Variants in ANKRD36 observed in about 807,000 individuals in gnomAD.
ANKRD36 encodes ankyrin repeat domain 36.
ANKRD36 carries 179 observed loss-of-function variants against 278.1 expected under a neutral mutation model. That is an observed-to-expected ratio of 0.64 (90% CI 0.57 to 0.73). The LOEUF is 0.73. ANKRD36 is among the 30% of genes least tolerant of loss of function. The pLI is 0.00. For missense variants in ANKRD36, 1,159 were observed against 1,956.7 expected, an observed-to-expected ratio of 0.59 and a Z score of 7.69; for synonymous variants, 320 against 641.1, an observed-to-expected ratio of 0.50 and a Z score of 7.57.
At chr2:97,243,230 A>G (rs2074846681) in intron 69 of ANKRD36, among the ~76,000 whole-genome samples, 3 of 146,852 alleles carry the variant, frequency 2.0e-5, no homozygotes, top group Non-Finnish European at 3.1e-5. Context: ...ACAGCAATCA[A>G]ATACATGTAA....
At position 97,113,692 on chromosome 2, in the gene ANKRD36, AAGGCGAGCTGAAATACGGCTGC is replaced by A. The variant is rs747836220; in HGVS notation, c.-43_-22del. Reference sequence around the variant, plus strand: ...TGCTCTTCGGAGGCGGCGATCCCCGAAGGCGAGCTGAAATACGGCTGCAGGCTACAATTTGCAGCCGACGATT... The same window carrying A: ...TGCTCTTCGGAGGCGGCGATCCCCGAAGGCTACAATTTGCAGCCGACGATT... On this transcript the variant is annotated 5_prime_UTR_variant, in exon 1 of 76. Coordinates refer to ENST00000420699, the MANE Select transcript of ANKRD36 (RefSeq NM_001354587.1). 6.2e-7 allele frequency: 1 copy of A among 1,610,328 alleles called. No homozygotes were observed. Among genetic ancestry groups the A allele is most frequent in the Admixed American group, 1.7e-5 (1 of 59,516 alleles).
At position 97,204,177 on chromosome 2, in the gene ANKRD36, C is replaced by G. The variant is rs776089379; in HGVS notation, c.2989-14C>G. ...ACTTTATTAATTTATTATTTCATTT[C>G]AAATTCCATTCAGGCTACAAGTGAT... On this transcript the variant is annotated splice_polypyrimidine_tract_variant and intron_variant, in intron 49 of 75. Coordinates refer to ENST00000420699, the MANE Select transcript of ANKRD36 (RefSeq NM_001354587.1). 2.0e-4 allele frequency: 312 copies of G among 1,580,250 alleles called. No homozygotes were observed. The highest frequency in any genetic ancestry group is 1.8e-4 in the Admixed American group (10 of 54,630).
intron 40 of ANKRD36, among the ~76,000 whole-genome samples, chr2:97,196,348 T>C (rs1268906796): frequency 3.3e-5 from 5 of 151,982 alleles, no homozygotes; most frequent in Non-Finnish European, 5.9e-5. Context: ...ACGGTTTTAT[T>C]TTAGTTTTCG....
chr2:97,180,565 G>A (rs2055881656), intron 24 of ANKRD36, among the ~76,000 whole-genome samples: 2 of 151,588 alleles, frequency 1.3e-5, no homozygotes, highest in Non-Finnish European at 2.9e-5. Context: ...TGCTAGAATC[G>A]GGATAAACCA....
At chr2:97,170,254 A>G (rs1296578909) in intron 22 of ANKRD36, among the ~76,000 whole-genome samples, 1 of 151,716 alleles carries the variant, frequency 6.6e-6, no homozygotes, top group Non-Finnish European at 1.5e-5. Context: ...CCCCTTCCTT[A>G]CACCTTATAC....
At chr2:97,206,312 C>G (rs2062838252) in intron 52 of ANKRD36, among the ~76,000 whole-genome samples, 177 bp downstream of exon 52, 1 of 151,382 alleles carries the variant, frequency 6.6e-6, no homozygotes, top group Non-Finnish European at 1.5e-5. Flanking sequence ...GGAACATGAT[C>G]TTCGCTGTAA....
At chr2:97,116,747 TTA>T (rs1180460668) in intron 1 of ANKRD36, among the ~76,000 whole-genome samples, 2 of 152,114 alleles carry the variant, frequency 1.3e-5, no homozygotes, top group Non-Finnish European at 2.9e-5. Flanking sequence ...ATTAATTATT[TTA>T]GTTTATCAGT....
rs1276951957 is a variant in ANKRD36, at chr2:97,217,222, T to TTA, written c.3702+21_3702+22dup. 1 of 1,550,450 alleles carries TTA rather than the reference T, an allele frequency of 6.4e-7. No individual in the cohort carries two copies. The highest frequency in any genetic ancestry group is 8.7e-7 in the Non-Finnish European group (1 of 1,148,660). ...GCCCAGAAGGTAGTTACTCTTTCAT[T>TTA]TATATTTTGAATTATTTATTGCATA... On this transcript the variant is annotated intron_variant, in intron 63 of 75. Transcript: ENST00000420699.
chr2:97,179,935 T>A lies in ANKRD36; in HGVS notation c.1735+2T>A. 2 of 1,604,858 alleles carry A rather than the reference T, an allele frequency of 1.2e-6. No homozygotes were observed. ...AGGAGGGACCAATATCTGGGACAGGTAATTTTGCAAAACACATCTAATGTC... is the reference window on the plus strand; with the variant it reads ...AGGAGGGACCAATATCTGGGACAGGAAATTTTGCAAAACACATCTAATGTC... On this transcript the variant is annotated splice_donor_variant, in intron 24 of 75. Transcript: ENST00000420699. LOFTEE classifies it high-confidence loss of function.
At chr2:97,138,367 A>C (rs1196934367) in intron 6 of ANKRD36, among the ~76,000 whole-genome samples, 1 of 152,116 alleles carries the variant, frequency 6.6e-6, no homozygotes. Context: ...ATAGCAAGGA[A>C]TACAACTCAC....
chr2:97,219,308 A>C lies in ANKRD36; in HGVS notation c.3877+62A>C, dbSNP rs1393413185. 7.9e-6 allele frequency: 11 copies of C among 1,388,998 alleles called. No homozygotes were observed. The African/African-American group carries it at 1.2e-4, about 15-fold the overall frequency. 86.0% of individuals were successfully genotyped at this position (1,388,998 alleles called of 1,614,324 possible). ...GTACATTAATCTGTTTGTAATGCTC[A>C]TAGTCTTTCTATTCTCAATTATTTC... On this transcript the variant is annotated intron_variant, in intron 66 of 75. Transcript: ENST00000420699.
At position 97,113,676 on chromosome 2, in the gene ANKRD36, G is replaced by A; in HGVS notation, c.-64G>A. On this transcript the variant is annotated 5_prime_UTR_variant, in exon 1 of 76. Transcript: ENST00000420699. ...CTGCTTTGCTCGTTGTTGCTCTTCG[G>A]AGGCGGCGATCCCCGAAGGCGAGCT... The A allele has an allele frequency of 1.2e-5, 20 of 1,604,788 alleles. No homozygotes were observed. The highest frequency in any genetic ancestry group is 8.8e-5 in the South Asian group (8 of 90,478).
At position 97,206,063 on chromosome 2, in the gene ANKRD36, G is replaced by A. The variant is rs1471149594; in HGVS notation, c.3091G>A (p.Ala1031Thr). ...VSSQKPPTLK[A>T]TSDEEDSVLS... is the part of the protein sequence containing the mutation. ...TTATTTTGTTTCAAATTCCATTCAG[G>A]CTACAAGTGATGAGGAAGATTCTGT... Residue 1031 changes from alanine (A) to threonine (T), a missense_variant and splice_region_variant, in exon 52 of 76, where the codon GCT (alanine) becomes ACT (threonine). Ala to Thr is a moderately conservative substitution (Grantham distance 58). Transcript: ENST00000420699. 6.4e-7 allele frequency: 1 copy of A among 1,550,700 alleles called. No homozygotes were observed.
rs2048617012 is a variant in ANKRD36 at position 97,160,566 on chromosome 2, T to C, written c.1390-1533T>C. ...GTCCTGACTGACAGGCATAGTGTATTTGAAGACATGTAAATCTTCAGCTTG... is the reference window on the plus strand; with the variant it reads ...GTCCTGACTGACAGGCATAGTGTATCTGAAGACATGTAAATCTTCAGCTTG... On this transcript the variant is annotated intron_variant, in intron 17 of 75. Coordinates refer to ENST00000420699, the MANE Select transcript of ANKRD36 (RefSeq NM_001354587.1). Among the ~76,000 whole-genome samples the C allele has an allele frequency of 2.0e-5, 3 of 152,116 alleles. 1 individual carries two copies. The South Asian group carries it at 6.2e-4, about 32-fold the overall frequency.
intron 46 of ANKRD36, among the ~76,000 whole-genome samples, chr2:97,200,773 G>A (rs1386850160): frequency 6.6e-6 from 1 of 151,892 alleles, no homozygotes; most frequent in Non-Finnish European, 1.5e-5. Context: ...GAAGACATAA[G>A]GGGCTCTGGG....
chr2:97,178,313 C>T (rs1026334934), intron 22 of ANKRD36, among the ~76,000 whole-genome samples: 2 of 152,014 alleles, frequency 1.3e-5, no homozygotes, highest in African/African-American at 4.8e-5. Flanking sequence ...TTTGACCCAG[C>T]CATCCCATTA....
chr2:97,138,952 G>T (rs939932351), intron 6 of ANKRD36, among the ~76,000 whole-genome samples: 4 of 152,036 alleles, frequency 2.6e-5, no homozygotes, highest in Admixed American at 6.6e-5. Context: ...AGACTTAAAA[G>T]TAAGTTCTCA....
chr2:97,159,948 A>AT (rs796674278), intron 17 of ANKRD36, among the ~76,000 whole-genome samples: 5 of 135,630 alleles, frequency 3.7e-5, no homozygotes, highest in African/African-American at 7.9e-5. Flanking sequence ...CGCCCGGCTA[A>AT]TTTTTTTAAT....
Position 97,144,816 on chromosome 2 carries a change from C to T in ANKRD36, c.1003+104C>T. The T allele has an allele frequency of 2.1e-6, 3 of 1,396,094 alleles. No individual in the cohort carries two copies. The South Asian group carries it at 4.1e-5, about 19-fold the overall frequency. The allele number at this position is 1,396,094 out of a possible 1,614,324, so 86.5% of individuals were successfully genotyped here. ...CTCATTGAAGCTGCGCATTCTGATT[C>T]AGCGGGCCTGAGATTCTGCATTTGT... On this transcript the variant is annotated intron_variant, in intron 10 of 75. Coordinates refer to ENST00000420699, the MANE Select transcript of ANKRD36 (RefSeq NM_001354587.1).
Sources: allele counts gnomAD v4.1 joint callset (sites outside exome capture counted in the v4.1 genomes callset), GRCh38; gene constraint gnomAD v4.1.1; transcripts MANE v1.5; gene names NCBI Gene and HGNC (gene_info 2026-07-23, HGNC 2026-07-21).